RBMS1: variants seen among roughly 807,000 people sequenced by gnomAD.
The protein encoded by RBMS1 is RNA-binding motif, single-stranded-interacting protein 1.
A neutral mutation model predicts 62.3 loss-of-function variants in RBMS1; 17 were observed. The ratio of observed to expected loss-of-function variants is 0.27; its 90% CI spans 0.19 to 0.41. The LOEUF (loss-of-function observed/expected upper bound fraction) is 0.41, where lower values mean the gene tolerates loss of function less well. Among genes scored for constraint, RBMS1 ranks in the 10% least tolerant of loss-of-function variants. The probability of loss-of-function intolerance (pLI) is 1.00; values close to 1 mark genes in which losing one functional copy is unlikely to be tolerated. For synonymous variants in RBMS1, 172 were observed against 170.0 expected (o/e 1.01, Z -0.09); for missense variants, 334 against 504.5 (o/e 0.66, Z 3.24).
intron 1 of RBMS1, among the ~76,000 whole-genome samples, chr2:160,424,989 T>TA (rs573354732): frequency 2.2e-3 from 325 of 147,286 alleles, no homozygotes; most frequent in Non-Finnish European, 3.6e-3. Context: ...TCTGAAGGAT[T>TA]AAAAAAAAAA....
intron 1 of RBMS1, among the ~76,000 whole-genome samples, chr2:160,443,815 A>G (rs1683523805): frequency 6.6e-6 from 1 of 152,204 alleles, no homozygotes; most frequent in Admixed American, 6.5e-5. Flanking sequence ...ATTTTAATTC[A>G]AATTCCATTA....
rs1161705318 is a variant in RBMS1, at chr2:160,343,094, CAGA to C, written c.251+24119_251+24121del. ...CAACACTTCCATTACAGACCACATC[CAGA>C]AGAAGACCACTGCCAGCTGGGCAAA... On this transcript the variant is annotated intron_variant, in intron 2 of 13. Transcript: ENST00000348849. Among the ~76,000 whole-genome samples the C allele has an allele frequency of 1.3e-4, 20 of 152,290 alleles. No homozygotes were observed. In the East Asian group the frequency reaches 3.7e-3, roughly 28 times the overall value.
chr2:160,436,660 C>T (rs1167353774), intron 1 of RBMS1, among the ~76,000 whole-genome samples: 1 of 151,614 alleles, frequency 6.6e-6, no homozygotes, highest in African/African-American at 2.4e-5. Flanking sequence ...ATCTCTCTTT[C>T]TCTCATTCTT....
At chr2:160,391,929 C>A (rs1466177183) in intron 1 of RBMS1, among the ~76,000 whole-genome samples, 1 of 151,612 alleles carries the variant, frequency 6.6e-6, no homozygotes, top group Non-Finnish European at 1.5e-5. Flanking sequence ...CACTGCACTA[C>A]AGCCTGGGGC....
intron 1 of RBMS1, among the ~76,000 whole-genome samples, chr2:160,445,757 G>T (rs563391271): frequency 6.6e-6 from 1 of 152,344 alleles, no homozygotes; most frequent in East Asian, 1.9e-4. Context: ...TTCAGAGGCG[G>T]TGATGAGAGA....
At chr2:160,416,951 T>C (rs1696233889) in intron 1 of RBMS1, among the ~76,000 whole-genome samples, 1 of 152,206 alleles carries the variant, frequency 6.6e-6, no homozygotes, top group Admixed American at 6.5e-5. Context: ...TAGTGCTTTT[T>C]CTCTGTATTC....
At chr2:160,434,963 G>A (rs1390532972) in intron 1 of RBMS1, among the ~76,000 whole-genome samples, 1 of 152,122 alleles carries the variant, frequency 6.6e-6, no homozygotes, top group Non-Finnish European at 1.5e-5. Context: ...AGACAAGCCC[G>A]ACCCTGAGTC....
chr2:160,334,065 A>G (rs1264417327), intron 2 of RBMS1, among the ~76,000 whole-genome samples: 1 of 152,172 alleles, frequency 6.6e-6, no homozygotes, highest in Non-Finnish European at 1.5e-5. Context: ...TTGAAAACTC[A>G]GTTCTATCAA....
chr2:160,399,058 C>T (rs999509526), intron 1 of RBMS1, among the ~76,000 whole-genome samples: 1 of 152,206 alleles, frequency 6.6e-6, no homozygotes, highest in Non-Finnish European at 1.5e-5. Context: ...CTAACCTGAA[C>T]TACCCACTAC....
At chr2:160,291,685 A>G (rs563530212) in intron 6 of RBMS1, among the ~76,000 whole-genome samples, 1 of 152,288 alleles carries the variant, frequency 6.6e-6, no homozygotes, top group East Asian at 1.9e-4. Context: ...AGAGAGTAAC[A>G]TTTGTAATAT....
intron 2 of RBMS1, among the ~76,000 whole-genome samples, chr2:160,355,961 C>A (rs560401079): frequency 5.9e-5 from 9 of 152,024 alleles, no homozygotes; most frequent in Non-Finnish European, 1.5e-5. Context: ...TGGGATTCAC[C>A]ATTCACTTCT....
At chr2:160,446,975 A>G (rs1683679064) in intron 1 of RBMS1, among the ~76,000 whole-genome samples, 1 of 152,208 alleles carries the variant, frequency 6.6e-6, no homozygotes, top group South Asian at 2.1e-4. Context: ...ACCACCTTGC[A>G]CCCCTTCTTC....
At chr2:160,328,033 A>G (rs1333802714) in intron 2 of RBMS1, among the ~76,000 whole-genome samples, 1 of 152,196 alleles carries the variant, frequency 6.6e-6, no homozygotes, top group Non-Finnish European at 1.5e-5. Flanking sequence ...TAAGGAAGAC[A>G]ATGTTATAAT....
intron 1 of RBMS1, among the ~76,000 whole-genome samples, chr2:160,413,533 C>T (rs914346729): frequency 1.3e-5 from 2 of 152,062 alleles, no homozygotes; most frequent in Non-Finnish European, 2.9e-5. Context: ...AAAGTACATG[C>T]GTATAAAACT....
At position 160,398,529 on chromosome 2, in the gene RBMS1, G is replaced by A. The variant is rs552796743; in HGVS notation, c.76-31138C>T. On this transcript the variant is annotated intron_variant, in intron 1 of 13. Coordinates refer to ENST00000348849, the MANE Select transcript of RBMS1 (RefSeq NM_016836.4). ...TCTTAAAGTGGTTTTCACTAGGGGT[G>A]TGTGATTAGCCATTTAGGCTGGACG... 2.0e-5 allele frequency among the ~76,000 whole-genome samples: 3 copies of A among 152,274 alleles called. No homozygotes were observed. The South Asian group carries it at 6.2e-4, about 32-fold the overall frequency.
At chr2:160,492,149 A>C (rs898570968) in intron 1 of RBMS1, among the ~76,000 whole-genome samples, 2 of 152,164 alleles carry the variant, frequency 1.3e-5, no homozygotes, top group Non-Finnish European at 2.9e-5. Flanking sequence ...CTCCCAAAGA[A>C]AGTTCGGACA....
chr2:160,426,271 A>G (rs1682584446), intron 1 of RBMS1, among the ~76,000 whole-genome samples: 2 of 127,210 alleles, frequency 1.6e-5, no homozygotes, highest in South Asian at 5.5e-4. Flanking sequence ...GAAAGAAAGA[A>G]AGAAAGAAAG....
chr2:160,449,797 CTG>C (rs1403768424), intron 1 of RBMS1, among the ~76,000 whole-genome samples: 1 of 151,426 alleles, frequency 6.6e-6, no homozygotes, highest in Non-Finnish European at 1.5e-5. Context: ...ATCCCCCTCT[CTG>C]AGAAACACCC....
chr2:160,442,570 T>A (rs1683453552), intron 1 of RBMS1, among the ~76,000 whole-genome samples: 1 of 152,210 alleles, frequency 6.6e-6, no homozygotes, highest in East Asian at 1.9e-4. Flanking sequence ...AAACTGCACA[T>A]CCTACAGCAG....
Sources: allele counts gnomAD v4.1 joint callset (sites outside exome capture counted in the v4.1 genomes callset), GRCh38; gene constraint gnomAD v4.1.1; transcripts MANE v1.5; gene names NCBI Gene and HGNC (gene_info 2026-07-23, HGNC 2026-07-21).